The following MROH6 variants were observed in gnomAD, a reference collection of about 807,000 sequenced individuals.
MROH6 encodes maestro heat like repeat family member 6, also known as maestro heat-like repeat-containing protein family member 6.
MROH6 carries 62 observed loss-of-function variants against 67.7 expected under a neutral mutation model. The ratio of observed to expected loss-of-function variants is 0.92; its 90% CI spans 0.75 to 1.13. The LOEUF (loss-of-function observed/expected upper bound fraction) is 1.13, where lower values mean the gene tolerates loss of function less well. Among genes scored for constraint, MROH6 ranks in the 50% most tolerant of loss-of-function variants. MROH6 has a pLI of 0.00. For missense variants in MROH6, 1,175 were observed against 1,029.1 expected (o/e 1.14, Z -1.94); for synonymous variants, 566 against 470.8 (o/e 1.20, Z -2.62).
At position 143,570,014 on chromosome 8, in the gene MROH6, C is replaced by G; in HGVS notation, c.1095G>C (p.Leu365Phe). The change falls in exon 7 of 14, where the codon TTG (leucine) becomes TTC (phenylalanine). Residue 365 changes from leucine (L) to phenylalanine (F), a missense_variant. Transcript: ENST00000398882. ...CGTCCGCGCTGCGAAGCCGAGGGAG[C>G]AAGTCTGCGAAGAGGCCTCGCAGGT... ...DHHLRGLFAD[L>F]LPRLRSADDP... 6.2e-7 allele frequency: 1 copy of G among 1,611,130 alleles called. No homozygotes were observed. The highest frequency in any genetic ancestry group is 8.5e-7 in the Non-Finnish European group (1 of 1,179,840).
chr8:143,567,341 G>T lies in MROH6; in HGVS notation c.2058C>A (p.Ile686=). ...GCPRGPRLLR[I]APRPARPPPV... ...GTGGGGGCCGGGCGGGGCGCGGGGC[G>T]ATGCGGAGAAGGCGGGGCCCGCGGG... is the stretch of plus-strand genomic sequence containing the variant. The change falls in exon 14 of 14, where the codon ATC becomes ATA. Residue 686 remains isoleucine (I), a synonymous_variant. Coordinates refer to ENST00000398882, the MANE Select transcript of MROH6 (RefSeq NM_001100878.2). The T allele has an allele frequency of 1.6e-6, 2 of 1,219,948 alleles. No homozygotes were observed. Among genetic ancestry groups the T allele is most frequent in the Middle Eastern group, 3.2e-4 (1 of 3,140 alleles). 75.6% of individuals were successfully genotyped at this position (1,219,948 alleles called of 1,614,324 possible). A position where few individuals can be genotyped will look rare whatever the true frequency, so the allele number is the denominator to read the frequency against.
chr8:143,568,476 T>A, intron 10 of MROH6, 76 bp downstream of exon 10: 1 of 1,456,116 alleles, frequency 6.9e-7, no homozygotes, highest in Non-Finnish European at 9.0e-7. Context: ...TGACCTGTAA[T>A]TGTCGGAGGG....
chr8:143,571,708 G>C lies in MROH6; in HGVS notation c.561C>G (p.Asp187Glu), dbSNP rs765572218. The change falls in exon 3 of 14, where the codon GAC (aspartate) becomes GAG (glutamate). Residue 187 changes from aspartate to glutamate, a missense_variant. Coordinates refer to ENST00000398882, the MANE Select transcript of MROH6 (RefSeq NM_001100878.2). ...AGCGGGGTAGCAGCGCACACACCAC[G>C]TCCCGCGCATGCTCCAGGGCCAGTG... ...LSALALEHAR[D>E]VVCALLPRSL... The C allele has an allele frequency of 6.4e-7, 1 of 1,551,704 alleles. No homozygotes were observed. The highest frequency in any genetic ancestry group is 1.9e-5 in the Admixed American group (1 of 51,444).
chr8:143,568,631 C>T lies in MROH6; in HGVS notation c.1565G>A (p.Gly522Asp), dbSNP rs930793631. ...CTGCAGCACCAGCTTCCGCAGGGGG[C>T]CGCGGAGCCCCAGCCGGAGCCCGCC... ...GRGGLRLGLR[G>D]PLRKLVLQSL... The change falls in exon 10 of 14, where the codon GGC (glycine) becomes GAC (aspartate). Residue 522 changes from glycine to aspartate, a missense_variant. Gly to Asp is a moderately conservative substitution (Grantham distance 94). Transcript: ENST00000398882. 1.3e-6 allele frequency: 2 copies of T among 1,537,416 alleles called. No homozygotes were observed. Among genetic ancestry groups the T allele is most frequent in the Non-Finnish European group, 1.7e-6 (2 of 1,147,486 alleles).
chr8:143,570,376 C>A lies in MROH6; in HGVS notation c.910G>T (p.Ala304Ser), dbSNP rs375206615. The A allele has an allele frequency of 6.2e-7, 1 of 1,610,832 alleles. No individual in the cohort carries two copies. Among genetic ancestry groups the A allele is most frequent in the Admixed American group, 1.7e-5 (1 of 59,930 alleles). ...AGCAGCGCCTTCAAGGCCTCCACAG[C>A]ACAGCTGGTGGTGGGGACAGTGAGC... Reference protein sequence around the residue: ...RGPPHSHASCAVEALKALLTG... With the variant: ...RGPPHSHASCSVEALKALLTG... The change falls in exon 6 of 14, where the codon GCT becomes TCT. Residue 304 changes from alanine to serine, a missense_variant. Transcript: ENST00000398882.
In MROH6 at chr8:143,567,613, T is replaced by G. The variant is rs1208564997; in HGVS notation, c.1931A>C (p.Gln644Pro). 1 of 1,560,728 alleles carries G rather than the reference T, an allele frequency of 6.4e-7. No individual in the cohort carries two copies. Among genetic ancestry groups the G allele is most frequent in the Non-Finnish European group, 8.7e-7 (1 of 1,153,144 alleles). Residue 644 changes from glutamine (Q) to proline (P), a missense_variant and splice_region_variant, in exon 13 of 14, where the codon CAG (glutamine) becomes CCG (proline). By Grantham distance (76) the Gln-to-Pro change is moderately conservative (BLOSUM62 -1). Coordinates refer to ENST00000398882, the MANE Select transcript of MROH6 (RefSeq NM_001100878.2). Reference sequence around the variant, plus strand: ...CCCCTGGCAAGGTGGGGCCTCACCCTGGAACAGGGAGTCCAGCAGGTCCTG... The same window carrying G: ...CCCCTGGCAAGGTGGGGCCTCACCCGGGAACAGGGAGTCCAGCAGGTCCTG... Reference protein sequence around the residue: ...VNQDLLDSLFQDLGRLQSDPK... With the variant: ...VNQDLLDSLFPDLGRLQSDPK...
At chr8:143,569,910 C>T (rs1367635741) in intron 7 of MROH6, 41 bp downstream of exon 7, 3 of 1,611,282 alleles carry the variant, frequency 1.9e-6, no homozygotes, top group African/African-American at 1.3e-5. Context: ...GGGATCAAGT[C>T]CAGGGTCACC....
rs757022828 is a variant in MROH6 at position 143,567,870 on chromosome 8, G to A, written c.1783C>T (p.His595Tyr). 1 of 1,528,026 alleles carries A rather than the reference G, an allele frequency of 6.5e-7. No homozygotes were observed. The highest frequency in any genetic ancestry group is 8.8e-7 in the Non-Finnish European group (1 of 1,140,076). 94.7% of individuals were successfully genotyped at this position (1,528,026 alleles called of 1,614,324 possible). The change falls in exon 12 of 14, where the codon CAC (histidine) becomes TAC (tyrosine). Residue 595 changes from histidine (H) to tyrosine (Y), a missense_variant. By Grantham distance (83) the His-to-Tyr change is moderately conservative (BLOSUM62 2). Transcript: ENST00000398882. The stretch of plus-strand genomic sequence containing the variant: ...GTCTGGCTCAGGAAGTTGGGCACGT[G>A]GCCTGGGTATCGCTGAACCTGGGGA... ...CCRLVQRYPGHVPNFLSQTQG... is the reference protein window; with the variant it reads ...CCRLVQRYPGYVPNFLSQTQG...
chr8:143,570,256 G>A lies in MROH6; in HGVS notation c.1030C>T (p.Leu344=), dbSNP rs370724050. ...VGAHTHLEGV[L]LLASAMVAHA... ...CACCCTCCTCACCTGGCCAGCAGCA[G>A]GACGCCCTCCAGGTGGGTGTGGGCT... The change falls in exon 6 of 14, where the codon CTG becomes TTG. Residue 344 remains leucine, a synonymous_variant. Transcript: ENST00000398882. 4 of 1,572,748 alleles carry A rather than the reference G, an allele frequency of 2.5e-6. No homozygotes were observed. Among genetic ancestry groups the A allele is most frequent in the African/African-American group, 1.4e-5 (1 of 73,054 alleles).
At position 143,567,087 on chromosome 8, in the gene MROH6, T is replaced by C; in HGVS notation, c.*152A>G. On this transcript the variant is annotated 3_prime_UTR_variant, in exon 14 of 14. Coordinates refer to ENST00000398882, the MANE Select transcript of MROH6 (RefSeq NM_001100878.2). ...CCTCTGTCACCATCAGGGTGGTGGG[T>C]GCCTGAAGAGGGGTCACGGGGGTGG... 3.3e-6 allele frequency: 1 copy of C among 299,946 alleles called. No homozygotes were observed. Among genetic ancestry groups the C allele is most frequent in the Non-Finnish European group, 5.3e-6 (1 of 188,036 alleles). The allele number at this position is 299,946 out of a possible 1,614,324, so 18.6% of individuals were successfully genotyped here.
intron 9 of MROH6, chr8:143,569,035 T>A: frequency 8.1e-6 from 1 of 122,752 alleles, no homozygotes. Flanking sequence ...AGGGAAGAAA[T>A]CTGGGACGGA....
rs752877701 is a variant in MROH6, at chr8:143,569,571, A to T, written c.1346T>A (p.Leu449Gln). 1 of 1,558,958 alleles carries T rather than the reference A, an allele frequency of 6.4e-7. No individual in the cohort carries two copies. The highest frequency in any genetic ancestry group is 1.2e-5 in the South Asian group (1 of 85,036). Residue 449 changes from leucine (L) to glutamine (Q), a missense_variant, in exon 9 of 14, where the codon CTG (leucine) becomes CAG (glutamine). By Grantham distance (113) the Leu-to-Gln change is moderately radical (BLOSUM62 -2). Coordinates refer to ENST00000398882, the MANE Select transcript of MROH6 (RefSeq NM_001100878.2). ...STLLPALLGALGEGDARLVGA... is the reference protein window; with the variant it reads ...STLLPALLGAQGEGDARLVGA... Reference sequence around the variant, plus strand: ...CACGAGCCGCGCGTCGCCTTCGCCCAGTGCGCCCAGGAGCGCCGGCAGCAG... The same window carrying T: ...CACGAGCCGCGCGTCGCCTTCGCCCTGTGCGCCCAGGAGCGCCGGCAGCAG...
In MROH6 at chr8:143,572,453, C is replaced by A; in HGVS notation, c.262G>T (p.Ala88Ser). ...AGSEPCSLNS[A>S]LEPAPEGPHQ... ...GGCCCCTCAGGGGCTGGTTCCAGGG[C>A]ACTGTTGAGGGAGCAGGGCTCGCTG... The change falls in exon 1 of 14, where the codon GCC becomes TCC. Residue 88 changes from alanine to serine, a missense_variant. Physicochemically the swap from Ala to Ser is moderately conservative, Grantham distance 99. Transcript: ENST00000398882. 6.9e-6 allele frequency: 11 copies of A among 1,596,348 alleles called. No individual in the cohort carries two copies. The highest frequency in any genetic ancestry group is 9.4e-6 in the Non-Finnish European group (11 of 1,174,978).
intron 8 of MROH6, 41 bp downstream of exon 8, chr8:143,569,656 A>AC: frequency 6.3e-7 from 1 of 1,599,412 alleles, no homozygotes; most frequent in Non-Finnish European, 8.5e-7. Flanking sequence ...CCTCGCCGCG[A>AC]CCGGGCCAAG....
chr8:143,567,201 C>G lies in MROH6; in HGVS notation c.*38G>C. The G allele has an allele frequency of 8.6e-7, 1 of 1,166,108 alleles. No homozygotes were observed. 72.2% of individuals were successfully genotyped at this position (1,166,108 alleles called of 1,614,324 possible). On this transcript the variant is annotated 3_prime_UTR_variant, in exon 14 of 14. Transcript: ENST00000398882. The stretch of plus-strand genomic sequence containing the variant: ...CAGGCTGCTATGCGCGTGGGGTGCC[C>G]GAGTCGGACCCTGGCCCTCGGGCCC...
At chr8:143,572,362 C>G in intron 1 of MROH6, 59 bp downstream of exon 1, 1 of 1,493,520 alleles carries the variant, frequency 6.7e-7, no homozygotes, top group Non-Finnish European at 8.9e-7. Flanking sequence ...CCGCCTTCCA[C>G]CTACCATCCA....
In MROH6 at chr8:143,572,435, C is replaced by G. The variant is rs1824108171; in HGVS notation, c.280G>C (p.Glu94Gln). 6.3e-7 allele frequency: 1 copy of G among 1,583,848 alleles called. No homozygotes were observed. The highest frequency in any genetic ancestry group is 1.3e-5 in the African/African-American group (1 of 74,716). Reference sequence around the variant, plus strand: ...TCCCCCGTCACCTGGTGGGGCCCCTCAGGGGCTGGTTCCAGGGCACTGTTG... The same window carrying G: ...TCCCCCGTCACCTGGTGGGGCCCCTGAGGGGCTGGTTCCAGGGCACTGTTG... ...SLNSALEPAP[E>Q]GPHQVPQSSW... The change falls in exon 1 of 14, where the codon GAG becomes CAG. Residue 94 changes from glutamate (E) to glutamine (Q), a missense_variant. Transcript: ENST00000398882.
chr8:143,567,599 G>A lies in MROH6; in HGVS notation c.1933+12C>T. ...CTCCAGGACACCATCCCCTGGCAAG[G>A]TGGGGCCTCACCCTGGAACAGGGAG... On this transcript the variant is annotated intron_variant, in intron 13 of 13. Coordinates refer to ENST00000398882, the MANE Select transcript of MROH6 (RefSeq NM_001100878.2). 2 of 1,554,362 alleles carry A rather than the reference G, an allele frequency of 1.3e-6. No homozygotes were observed. Among genetic ancestry groups the A allele is most frequent in the Non-Finnish European group, 1.7e-6 (2 of 1,149,478 alleles).
In MROH6 at chr8:143,571,902, C is replaced by G; in HGVS notation, c.448-81G>C. On this transcript the variant is annotated intron_variant, in intron 2 of 13. Transcript: ENST00000398882. ...CTCTGGCCTGCACCCCACCTCCACC[C>G]CCACCCTGATCCCGCCTGGCAGGAG... is the stretch of plus-strand genomic sequence containing the variant. The G allele has an allele frequency of 2.0e-6, 3 of 1,495,276 alleles. No homozygotes were observed. The South Asian group carries it at 3.9e-5, about 20-fold the overall frequency. The allele number at this position is 1,495,276 out of a possible 1,614,324, so 92.6% of individuals were successfully genotyped here.
Sources: gnomAD v4.1 joint callset for allele counts on GRCh38, gnomAD v4.1.1 for gene constraint, MANE v1.5 for transcripts, NCBI Gene and HGNC (gene_info 2026-07-23, HGNC 2026-07-21) for gene names.